Variants in DACH2 observed in about 807,000 individuals in gnomAD.
DACH2 encodes dachshund homolog 2.
In DACH2, 17 loss-of-function variants were observed where a neutral mutation model predicts 35.8. The ratio of observed to expected loss-of-function variants is 0.48; its 90% CI spans 0.33 to 0.71. The LOEUF is 0.71. DACH2 is among the 30% of genes least tolerant of loss of function. The pLI, the probability that DACH2 is intolerant of heterozygous loss-of-function variation, is 0.02. For missense variants in DACH2, 469 were observed against 472.7 expected, an observed-to-expected ratio of 0.99 and a Z score of 0.07; for synonymous variants, 195 against 177.3, an observed-to-expected ratio of 1.10 and a Z score of -0.79.
chrX:86,715,935 A>G (rs1421439655), intron 6 of DACH2, among the ~76,000 whole-genome samples: 5 of 112,121 alleles, frequency 4.5e-5, no homozygotes, highest in African/African-American at 1.3e-4. Context: ...GACATTTTGG[A>G]CATATTTGTT....
intron 1 of DACH2, among the ~76,000 whole-genome samples, chrX:86,320,631 T>G (rs958881572): frequency 8.9e-6 from 1 of 112,532 alleles, no homozygotes; most frequent in African/African-American, 3.2e-5. Flanking sequence ...CCTAGTGGCC[T>G]CTGGCACCAG....
intron 1 of DACH2, among the ~76,000 whole-genome samples, chrX:86,344,195 T>C (rs2035459856): frequency 9.1e-6 from 1 of 109,611 alleles, no homozygotes; most frequent in South Asian, 4.0e-4. Flanking sequence ...ACCATTACTA[T>C]GTACCCACAT....
intron 2 of DACH2, among the ~76,000 whole-genome samples, chrX:86,485,592 G>A (rs2038007675): frequency 9.0e-6 from 1 of 111,420 alleles, no homozygotes; most frequent in African/African-American, 3.3e-5. Context: ...ATTACACTAT[G>A]TATACATGTA....
At chrX:86,577,586 C>A (rs903623389) in intron 3 of DACH2, among the ~76,000 whole-genome samples, 34 of 111,425 alleles carry the variant, frequency 3.1e-4, no homozygotes, top group African/African-American at 1.1e-3. Flanking sequence ...TAATGATTTC[C>A]TGGCATACAA....
At chrX:86,207,554 AAAAT>A (rs2032343734) in intron 1 of DACH2, among the ~76,000 whole-genome samples, 1 of 111,587 alleles carries the variant, frequency 9.0e-6, no homozygotes, top group Non-Finnish European at 1.9e-5. Flanking sequence ...TAGAAAATAA[AAAAT>A]AAAATAAAAA....
chrX:86,264,043 C>T (rs886133533), intron 1 of DACH2, among the ~76,000 whole-genome samples: 1 of 111,494 alleles, frequency 9.0e-6, no homozygotes, highest in Non-Finnish European at 1.9e-5. Flanking sequence ...TTTTTAAAAA[C>T]CTAAGGAATC....
chrX:86,423,496 G>T (rs1478968404), intron 2 of DACH2, among the ~76,000 whole-genome samples: 1 of 106,556 alleles, frequency 9.4e-6, no homozygotes, highest in Non-Finnish European at 1.9e-5. Context: ...TCGAACCTTT[G>T]GCCCTTTTTA....
intron 11 of DACH2, among the ~76,000 whole-genome samples, chrX:86,827,208 G>A (rs1041549397): frequency 9.0e-6 from 1 of 111,708 alleles, no homozygotes; most frequent in Non-Finnish European, 1.9e-5. Flanking sequence ...AATTACTTTC[G>A]AATAACCATC....
intron 1 of DACH2, among the ~76,000 whole-genome samples, chrX:86,177,630 T>G (rs2031346554): frequency 1.8e-5 from 2 of 110,814 alleles, no homozygotes; most frequent in Admixed American, 1.9e-4. Context: ...CTTAATAGAG[T>G]ATTTGGAAAG....
intron 7 of DACH2, among the ~76,000 whole-genome samples, chrX:86,762,094 A>C (rs2041889351): frequency 9.0e-6 from 1 of 111,575 alleles, no homozygotes; most frequent in Admixed American, 9.6e-5. Context: ...GCCTTTCAAG[A>C]AATTACTTTT....
At chrX:86,620,523 A>G (rs2040056775) in intron 3 of DACH2, among the ~76,000 whole-genome samples, 1 of 111,757 alleles carries the variant, frequency 8.9e-6, no homozygotes, top group South Asian at 3.7e-4. Context: ...CCCCTAACAT[A>G]TTGGTCCATT....
intron 1 of DACH2, among the ~76,000 whole-genome samples, chrX:86,266,090 A>G (rs943530469): frequency 9.0e-6 from 1 of 111,409 alleles, no homozygotes; most frequent in African/African-American, 3.3e-5. Flanking sequence ...TTGAATTTAG[A>G]GAAAAAACAG....
Position 86,823,607 on chromosome X carries a change from T to C in DACH2, c.1750+7508T>C, listed in dbSNP as rs746468249. 3.5e-3 allele frequency among the ~76,000 whole-genome samples: 390 copies of C among 112,131 alleles called. 3 individuals are homozygous for C. Among genetic ancestry groups the C allele is most frequent in the African/African-American group, 0.012 (372 of 30,872 alleles). On this transcript the variant is annotated intron_variant, in intron 11 of 11. Transcript: ENST00000373125. ...TTTTACAAACATTTCTTTCTTATCT[T>C]CCTGTTCTTTCACTATCAGGGGAAC...
chrX:86,408,914 A>C (rs2036566834), intron 2 of DACH2, among the ~76,000 whole-genome samples: 1 of 111,959 alleles, frequency 8.9e-6, no homozygotes, highest in South Asian at 3.7e-4. Flanking sequence ...AAGGTAAATG[A>C]ATGAATTGAT....
intron 3 of DACH2, among the ~76,000 whole-genome samples, chrX:86,597,194 T>C (rs973611455): frequency 8.9e-6 from 1 of 112,059 alleles, no homozygotes; most frequent in Non-Finnish European, 1.9e-5. Context: ...TTGATTCGAA[T>C]TGCATTGAGT....
In DACH2 at chrX:86,641,047, C is replaced by A. The variant is rs773344476; in HGVS notation, c.641-9989C>A. 4.5e-5 allele frequency among the ~76,000 whole-genome samples: 5 copies of A among 112,032 alleles called. No individual in the cohort carries two copies. The South Asian group carries it at 1.9e-3, about 41-fold the overall frequency. ...CTAATAACTAAAATGGCCAGAGTGT[C>A]GTATATTCTCCAAATGATCACACCA... On this transcript the variant is annotated intron_variant, in intron 3 of 11. Transcript: ENST00000373125.
chrX:86,807,710 G>A (rs58552310), intron 7 of DACH2, among the ~76,000 whole-genome samples: 5,681 of 111,396 alleles, frequency 0.051, 391 homozygotes, highest in African/African-American at 0.18. Flanking sequence ...AAAAATAAAG[G>A]AAAACTGTGC....
chrX:86,294,229 T>C (rs748982410), intron 1 of DACH2, among the ~76,000 whole-genome samples: 114 of 112,013 alleles, frequency 1.0e-3, no homozygotes, highest in African/African-American at 3.1e-3. Flanking sequence ...CTCCTGAGGC[T>C]TCTGCATTCT....
intron 4 of DACH2, among the ~76,000 whole-genome samples, chrX:86,680,652 CTTT>C (rs1195400316): frequency 2.4e-5 from 2 of 82,314 alleles, no homozygotes; most frequent in Non-Finnish European, 4.8e-5. Context: ...TGACTCATTT[CTTT>C]TTTTTTTTTT....
Sources: gnomAD v4.1 joint callset for allele counts (sites outside exome capture counted in the v4.1 genomes callset) on GRCh38, gnomAD v4.1.1 for gene constraint, MANE v1.5 for transcripts, NCBI Gene and HGNC (gene_info 2026-07-23, HGNC 2026-07-21) for gene names.